RPN1: variants seen among roughly 807,000 people sequenced by gnomAD.
RPN1 encodes the protein dolichyl-diphosphooligosaccharide--protein glycosyltransferase subunit 1.
RPN1 carries 12 observed loss-of-function variants against 55.5 expected under a neutral mutation model. The ratio of observed to expected loss-of-function variants is 0.22; its 90% CI spans 0.14 to 0.35. The LOEUF is 0.35. RPN1 is among the 10% of genes least tolerant of loss of function. The probability of loss-of-function intolerance (pLI) is 1.00; values close to 1 mark genes in which losing one functional copy is unlikely to be tolerated. For missense variants in RPN1, 679 were observed against 761.3 expected (o/e 0.89, Z 1.27); for synonymous variants, 317 against 305.9 (o/e 1.04, Z -0.38).
intron 1 of RPN1, among the ~76,000 whole-genome samples, chr3:128,647,351 G>A (rs1196593221): frequency 6.6e-6 from 1 of 152,112 alleles, no homozygotes; most frequent in Non-Finnish European, 1.5e-5. Context: ...AAGCTGTACA[G>A]TCTAATACAA....
chr3:128,626,749 G>C lies in RPN1; in HGVS notation c.1120C>G (p.Leu374Val), dbSNP rs778036947. The change falls in exon 6 of 10, where the codon CTG (leucine) becomes GTG (valine). Residue 374 changes from leucine (L) to valine (V), a missense_variant. Leu to Val is a conservative substitution (Grantham distance 32). Coordinates refer to ENST00000296255, the MANE Select transcript of RPN1 (RefSeq NM_002950.4). ...CACACTCACTTGGCTCCTTCAGGCA[G>C]GATGATCTTCACAGTCAGAGAATCT... ...VIDSLTVKII[L>V]PEGAKNIEID... 1.2e-6 allele frequency: 2 copies of C among 1,614,136 alleles called. No individual in the cohort carries two copies. The highest frequency in any genetic ancestry group is 3.3e-5 in the Admixed American group (2 of 60,016).
chr3:128,621,409 C>T (rs1308386717), intron 9 of RPN1, among the ~76,000 whole-genome samples: 3 of 152,128 alleles, frequency 2.0e-5, no homozygotes, highest in Non-Finnish European at 2.9e-5. Context: ...GTGGAAGGAT[C>T]GCTTGAGCCT....
At position 128,639,219 on chromosome 3, in the gene RPN1, G is replaced by A. The variant is rs368920338; in HGVS notation, c.327-1114C>T. On this transcript the variant is annotated intron_variant, in intron 2 of 9. Coordinates refer to ENST00000296255, the MANE Select transcript of RPN1 (RefSeq NM_002950.4). Reference sequence around the variant, plus strand: ...TGTAATCCCAGCACTTTGGGAGACCGAGATGGGTGGATCACGAGGTCAGGA... The same window carrying A: ...TGTAATCCCAGCACTTTGGGAGACCAAGATGGGTGGATCACGAGGTCAGGA... 2.9e-4 allele frequency among the ~76,000 whole-genome samples: 44 copies of A among 152,254 alleles called. No homozygotes were observed. The East Asian group carries it at 3.9e-3, about 13-fold the overall frequency.
chr3:128,624,380 C>G lies in RPN1; in HGVS notation c.1395+1154G>C, dbSNP rs1436968417. On this transcript the variant is annotated intron_variant, in intron 8 of 9. Coordinates refer to ENST00000296255, the MANE Select transcript of RPN1 (RefSeq NM_002950.4). ...CTGTAGTCCCAGCTATTCGAGAGGC[C>G]AAGGCAGGAGAATTGCTCGAACCCA... Among the ~76,000 whole-genome samples, 8 of 151,712 alleles carry G rather than the reference C, an allele frequency of 5.3e-5. No individual in the cohort carries two copies. In the East Asian group the frequency reaches 1.6e-3, roughly 29 times the overall value.
Position 128,650,597 on chromosome 3 carries a change from A to G in RPN1, c.204T>C (p.Ser68=), listed in dbSNP as rs1301034789. ...GCTCAGGCTCCAAAGCCAGCAGGAA[A>G]GAGGTAGCTCGGGACGTGGAGCCGC... ...LGGGSTSRAT[S]FLLALEPELE... The change falls in exon 1 of 10, where the codon TCT becomes TCC. Residue 68 remains serine (S), a synonymous_variant. Coordinates refer to ENST00000296255, the MANE Select transcript of RPN1 (RefSeq NM_002950.4). 1.3e-6 allele frequency: 2 copies of G among 1,549,690 alleles called. No homozygotes were observed. The highest frequency in any genetic ancestry group is 4.9e-5 in the East Asian group (2 of 40,958).
intron 8 of RPN1, 133 bp downstream of exon 8, chr3:128,625,401 G>A: frequency 7.2e-7 from 1 of 1,383,858 alleles, no homozygotes; most frequent in Non-Finnish European, 1.0e-6. Context: ...TACCCTTCCG[G>A]CAAGGATGAG....
Position 128,627,770 on chromosome 3 carries a change from CAAAAAAA to C in RPN1, c.1037-945_1037-939del, listed in dbSNP as rs71689582. Among the ~76,000 whole-genome samples, 645 of 71,982 alleles carry C rather than the reference CAAAAAAA, an allele frequency of 9.0e-3. 13 individuals are homozygous for C. The highest frequency in any genetic ancestry group is 0.036 in the African/African-American group (617 of 17,028). The allele number at this position is 71,982 out of a possible 152,430, so 47.2% of individuals were successfully genotyped here. A position where few individuals can be genotyped will look rare whatever the true frequency, so the allele number is the denominator to read the frequency against. On this transcript the variant is annotated intron_variant, in intron 5 of 9. Coordinates refer to ENST00000296255, the MANE Select transcript of RPN1 (RefSeq NM_002950.4). Reference sequence around the variant, plus strand: ...TGGGAAACAGTGCAAGACTCCATCTCAAAAAAAAAAAAAAAAAAGATTAAGTTATATA... The same window carrying C: ...TGGGAAACAGTGCAAGACTCCATCTCAAAAAAAAAAAGATTAAGTTATATA...
intron 2 of RPN1, among the ~76,000 whole-genome samples, chr3:128,642,729 A>G (rs756322984): frequency 3.9e-5 from 6 of 152,046 alleles, no homozygotes; most frequent in South Asian, 4.1e-4. Context: ...ACTCACATAC[A>G]AGAAAAAAAG....
At chr3:128,632,740 G>A (rs1017551933) in intron 3 of RPN1, among the ~76,000 whole-genome samples, 3 of 152,002 alleles carry the variant, frequency 2.0e-5, no homozygotes, top group Non-Finnish European at 2.9e-5. Flanking sequence ...GATTACAGGC[G>A]TGTGCCACCA....
At chr3:128,627,080 C>T (rs13073315) in intron 5 of RPN1, 13 of 471,260 alleles carry the variant, frequency 2.8e-5, no homozygotes, top group East Asian at 3.8e-5. Context: ...TGAAGGAGAA[C>T]GCAGAGAGAA....
chr3:128,642,787 C>T (rs1324475819), intron 2 of RPN1, among the ~76,000 whole-genome samples: 1 of 152,078 alleles, frequency 6.6e-6, no homozygotes, highest in Non-Finnish European at 1.5e-5. Flanking sequence ...TTTGGGAGGC[C>T]GAGGCGGGTG....
At position 128,632,146 on chromosome 3, in the gene RPN1, T is replaced by C. The variant is rs2069647213; in HGVS notation, c.645A>G (p.Lys215=). ...DVPAYSQDTF[K]VHYENNSPFL... ...AAGGGCTGTTGTTCTCATAATGTACTTTAAAAGTATCCTGGAAGGAAGGAA... is the reference window on the plus strand; with the variant it reads ...AAGGGCTGTTGTTCTCATAATGTACCTTAAAAGTATCCTGGAAGGAAGGAA... Residue 215 remains lysine, a synonymous_variant, in exon 4 of 10, where the codon AAA becomes AAG. Coordinates refer to ENST00000296255, the MANE Select transcript of RPN1 (RefSeq NM_002950.4). The C allele has an allele frequency of 1.2e-6, 2 of 1,614,162 alleles. No homozygotes were observed. The highest frequency in any genetic ancestry group is 8.5e-7 in the Non-Finnish European group (1 of 1,180,004).
Position 128,625,529 on chromosome 3 carries a change from GGT to G in RPN1, c.1395+3_1395+4del. 6.2e-7 allele frequency: 1 copy of G among 1,613,984 alleles called. No individual in the cohort carries two copies. Among genetic ancestry groups the G allele is most frequent in the Non-Finnish European group, 8.5e-7 (1 of 1,179,988 alleles). On this transcript the variant is annotated splice_donor_region_variant and intron_variant, in intron 8 of 9. Transcript: ENST00000296255. ...TGACAAGCAGGAAGAAGGCAGAGAC[GGT>G]ACCTTGGTGATGGAGAAGTCCAGCC... is the stretch of plus-strand genomic sequence containing the variant.
At chr3:128,632,570 A>C (rs557333976) in intron 3 of RPN1, among the ~76,000 whole-genome samples, 2 of 152,234 alleles carry the variant, frequency 1.3e-5, no homozygotes, top group South Asian at 4.1e-4. Context: ...GTGGCAATAC[A>C]AGGTCTGCTA....
At chr3:128,638,166 C>G (rs2069695505) in intron 2 of RPN1, 61 bp from the exon 3 acceptor site, 8 of 1,304,630 alleles carry the variant, frequency 6.1e-6, no homozygotes, top group Non-Finnish European at 8.6e-6. Flanking sequence ...ACAGTAGTAG[C>G]AGTTCAAAGT....
At chr3:128,641,114 A>G (rs2811495) in intron 2 of RPN1, 90,122 of 150,676 alleles carry the variant, frequency 0.6, 27,116 homozygotes, top group East Asian at 0.77. Flanking sequence ...TTTTTTTCCT[A>G]AAGCTCTTCT....
chr3:128,620,628 C>G, intron 9 of RPN1, 35 bp from the exon 10 acceptor site: 1 of 1,597,614 alleles, frequency 6.3e-7, no homozygotes, highest in Admixed American at 1.7e-5. Context: ...GACTTGTGAG[C>G]TGTCCTCCCA....
chr3:128,620,979 A>C (rs919706833), intron 9 of RPN1, among the ~76,000 whole-genome samples: 1 of 152,276 alleles, frequency 6.6e-6, no homozygotes, highest in Non-Finnish European at 1.5e-5. Context: ...CCAGGGATTC[A>C]ATTAGGCAAA....
At chr3:128,630,921 G>A (rs1576794185) in intron 4 of RPN1, among the ~76,000 whole-genome samples, 2 of 147,290 alleles carry the variant, frequency 1.4e-5, no homozygotes, top group South Asian at 2.2e-4. Context: ...AGACCATCCT[G>A]GCTAACATGG....
Sources: gnomAD v4.1 joint callset for allele counts (sites outside exome capture counted in the v4.1 genomes callset) on GRCh38, gnomAD v4.1.1 for gene constraint, MANE v1.5 for transcripts, NCBI Gene and HGNC (gene_info 2026-07-23, HGNC 2026-07-21) for gene names.